ZNF500: variants seen among roughly 807,000 people sequenced by gnomAD.
ZNF500 encodes zinc finger protein with KRAB and SCAN domains 18.
Under a neutral mutation model 30.1 loss-of-function variants are expected in ZNF500, and 31 were observed. That is an observed-to-expected ratio of 1.03 (90% CI 0.77 to 1.39). The LOEUF is 1.39. ZNF500 is among the 40% of genes most tolerant of loss of function. The pLI is 0.00. For synonymous variants in ZNF500, 392 were observed against 282.0 expected (o/e 1.39, Z -3.91); for missense variants, 817 against 657.8 (o/e 1.24, Z -2.65).
At position 4,752,402 on chromosome 16, in the gene ZNF500, G is replaced by A. The variant is rs752107609; in HGVS notation, c.1417C>T (p.Pro473Ser). 6.6e-7 allele frequency: 1 copy of A among 1,519,184 alleles called. No homozygotes were observed. The highest frequency in any genetic ancestry group is 8.8e-7 in the Non-Finnish European group (1 of 1,136,402). 94.1% of individuals were successfully genotyped at this position (1,519,184 alleles called of 1,614,324 possible). ...GSLPTLQPVA[P>S]GGPGAKA ...CAGGCTTTGGCACCGGGGCCTCCAGGAGCCACCGGCTGGAGCGTCGGCAAG... is the reference window on the plus strand; with the variant it reads ...CAGGCTTTGGCACCGGGGCCTCCAGAAGCCACCGGCTGGAGCGTCGGCAAG... The change falls in exon 6 of 6, where the codon CCT (proline) becomes TCT (serine). Residue 473 changes from proline (P) to serine (S), a missense_variant. Transcript: ENST00000219478.
At chr16:4,764,095 G>A (rs115355345) in intron 2 of ZNF500, 1 of 985,458 alleles carries the variant, frequency 1.0e-6, no homozygotes, top group Non-Finnish European at 1.2e-6. Flanking sequence ...GCTGGAAGGA[G>A]GTGGAGAGGC....
downstream of ZNF500, chr16:4,747,743 C>A: frequency 1.5e-6 from 2 of 1,313,044 alleles, no homozygotes; most frequent in East Asian, 2.5e-5. Context: ...ATTCCAGAGG[C>A]AGGGACCCTC....
chr16:4,760,701 CCTGGTGGTGCAG>C (rs2082188837), intron 4 of ZNF500, 113 bp from the exon 5 acceptor site: 9 of 874,522 alleles, frequency 1.0e-5, no homozygotes, highest in Non-Finnish European at 1.6e-5. Flanking sequence ...TGGCGCCAAG[CCTGGTGGTGCAG>C]CTGGTCTTCT....
intron 5 of ZNF500, among the ~76,000 whole-genome samples, chr16:4,753,641 C>T (rs2082107861): frequency 6.6e-6 from 1 of 152,230 alleles, no homozygotes; most frequent in Admixed American, 6.5e-5. Context: ...CCATCAAGCT[C>T]TGCACTCTGC....
At chr16:4,764,738 C>A (rs898410595) in intron 2 of ZNF500, among the ~76,000 whole-genome samples, 3 of 145,756 alleles carry the variant, frequency 2.1e-5, no homozygotes, top group African/African-American at 7.8e-5. Context: ...GCCGAGATTG[C>A]GCCACTGCTC....
Position 4,751,710 on chromosome 16 carries a change from A to C in ZNF500, c.*666T>G. 1 of 1,455,334 alleles carries C rather than the reference A, an allele frequency of 6.9e-7. No homozygotes were observed. The highest frequency in any genetic ancestry group is 1.2e-5 in the South Asian group (1 of 82,418). The allele number at this position is 1,455,334 out of a possible 1,614,324, so 90.2% of individuals were successfully genotyped here. On this transcript the variant is annotated 3_prime_UTR_variant, in exon 6 of 6. Coordinates refer to ENST00000219478, the MANE Select transcript of ZNF500 (RefSeq NM_021646.4). ...ATATAATTAGTTAAGATGAGGTCAC[A>C]GTGTATTGGGGGACCCTAAACCCAG...
At chr16:4,755,766 G>T (rs768305346) in intron 5 of ZNF500, among the ~76,000 whole-genome samples, 1 of 152,122 alleles carries the variant, frequency 6.6e-6, no homozygotes, top group African/African-American at 2.4e-5. Context: ...AAATGTTCAC[G>T]ACAGCACTCT....
At chr16:4,744,631 C>A (rs939556756), downstream of ZNF500, among the ~76,000 whole-genome samples, 1 of 90,196 alleles carries the variant, frequency 1.1e-5, no homozygotes, top group African/African-American at 3.4e-5. Context: ...TACGTCACTC[C>A]TACTTCACCA....
At chr16:4,766,733 C>A (rs2082268462) in intron 1 of ZNF500, among the ~76,000 whole-genome samples, 1 of 152,216 alleles carries the variant, frequency 6.6e-6, no homozygotes, top group Non-Finnish European at 1.5e-5. Context: ...AAAGTAGGGC[C>A]TTTCTGCAGA....
intron 5 of ZNF500, among the ~76,000 whole-genome samples, chr16:4,754,952 C>T (rs1014271465): frequency 7.2e-5 from 11 of 152,084 alleles, no homozygotes; most frequent in Middle Eastern, 3.4e-3. Flanking sequence ...GAGATGTGGT[C>T]GATTAAAAGT....
rs371479012 is a variant in ZNF500, at chr16:4,760,507, G to A, written c.745C>T (p.Pro249Ser). 1.1e-5 allele frequency: 17 copies of A among 1,613,416 alleles called. No individual in the cohort carries two copies. The African/African-American group carries it at 2.0e-4, about 19-fold the overall frequency. ...RCMDPAQRDA[P>S]LENEGPGIQL... ...TGCAAGTTACCTTCATTCTCCAGCG[G>A]CGCGTCCCGCTGAGCTGGGTCCATG... Residue 249 changes from proline to serine, a missense_variant, in exon 5 of 6, where the codon CCG (proline) becomes TCG (serine). Transcript: ENST00000219478.
intron 2 of ZNF500, among the ~76,000 whole-genome samples, chr16:4,763,364 A>C (rs1210362243): frequency 4.6e-5 from 7 of 150,616 alleles, no homozygotes. Flanking sequence ...GTGCCACTGC[A>C]CTCCAGCCTG....
At chr16:4,763,052 G>T in intron 2 of ZNF500, 2 of 985,444 alleles carry the variant, frequency 2.0e-6, no homozygotes, top group Non-Finnish European at 2.4e-6. Context: ...AGAGCCCTGA[G>T]TCAGCGCTGG....
At chr16:4,762,481 C>T in intron 3 of ZNF500, 92 bp downstream of exon 3, 2 of 1,516,822 alleles carry the variant, frequency 1.3e-6, no homozygotes, top group Non-Finnish European at 1.8e-6. Flanking sequence ...TGCATCCAGG[C>T]AGGCCTCTGC....
intron 5 of ZNF500, among the ~76,000 whole-genome samples, chr16:4,754,489 A>G (rs9921788): frequency 0.61 from 92,011 of 151,508 alleles, 28,238 homozygotes; most frequent in East Asian, 0.66. Flanking sequence ...GTGAAACCCC[A>G]TTTTATTTTA....
chr16:4,761,020 C>A (rs1301322229), intron 4 of ZNF500, among the ~76,000 whole-genome samples: 1 of 152,196 alleles, frequency 6.6e-6, no homozygotes, highest in Non-Finnish European at 1.5e-5. Context: ...AAAAAACAAG[C>A]AAACTCTTTC....
chr16:4,758,574 G>C (rs375678064), intron 5 of ZNF500: 1 of 152,194 alleles, frequency 6.6e-6, no homozygotes. Flanking sequence ...TGATGCGGCC[G>C]CCCTGTGCAC....
At chr16:4,765,291 G>C (rs1435916951) in intron 2 of ZNF500, among the ~76,000 whole-genome samples, 1 of 151,448 alleles carries the variant, frequency 6.6e-6, no homozygotes, top group Non-Finnish European at 1.5e-5. Flanking sequence ...GCGAGACTAT[G>C]TCTCAAAAAA....
intron 3 of ZNF500, 31 bp downstream of exon 3, chr16:4,762,542 C>T: frequency 3.1e-6 from 5 of 1,589,580 alleles, no homozygotes; most frequent in Non-Finnish European, 3.4e-6. Flanking sequence ...CCCTGCACCA[C>T]TTCTCATTCC....
Sources: allele counts gnomAD v4.1 joint callset (sites outside exome capture counted in the v4.1 genomes callset), GRCh38; gene constraint gnomAD v4.1.1; transcripts MANE v1.5; gene names NCBI Gene and HGNC (gene_info 2026-07-23, HGNC 2026-07-21).